RIMS4: variants seen among roughly 807,000 people sequenced by gnomAD.
The protein encoded by RIMS4 is regulating synaptic membrane exocytosis protein 4.
A neutral mutation model predicts 29.0 loss-of-function variants in RIMS4; 9 were observed. That is an observed-to-expected ratio of 0.31 (90% confidence interval 0.19 to 0.54). RIMS4 has a LOEUF of 0.54. Ranked by LOEUF, RIMS4 falls within the 20% of genes least tolerant of loss-of-function variation. RIMS4 has a pLI of 0.94. For synonymous variants in RIMS4, 130 were observed against 152.9 expected, an observed-to-expected ratio of 0.85 and a Z score of 1.10; for missense variants, 193 against 365.7, an observed-to-expected ratio of 0.53 and a Z score of 3.85.
rs2066056270 is a variant in RIMS4 at position 44,755,643 on chromosome 20, G to A, written c.*491C>T. ...AGTGGGGGGCTCTGGGCCCCTGGGAGCTGGCTCCGGATCCTTGCAAAGCTG... is the reference window on the plus strand; with the variant it reads ...AGTGGGGGGCTCTGGGCCCCTGGGAACTGGCTCCGGATCCTTGCAAAGCTG... On this transcript the variant is annotated 3_prime_UTR_variant, in exon 6 of 6. Transcript: ENST00000372851. 1 of 153,736 alleles carries A rather than the reference G, an allele frequency of 6.5e-6. No individual in the cohort carries two copies. The highest frequency in any genetic ancestry group is 1.5e-5 in the Non-Finnish European group (1 of 68,768). The allele number at this position is 153,736 out of a possible 1,614,324, so 9.5% of individuals were successfully genotyped here. A position where few individuals can be genotyped will look rare whatever the true frequency, so the allele number is the denominator to read the frequency against.
chr20:44,810,071 CAG>C, intron 1 of RIMS4, 102 bp downstream of exon 1: 1 of 479,022 alleles, frequency 2.1e-6, no homozygotes, highest in Non-Finnish European at 3.6e-6. Flanking sequence ...GGCGCCTTCC[CAG>C]GGGATTGGGG....
intron 1 of RIMS4, among the ~76,000 whole-genome samples, chr20:44,780,529 GAC>G (rs2066179575): frequency 6.6e-6 from 1 of 152,178 alleles, no homozygotes; most frequent in Non-Finnish European, 1.5e-5. Flanking sequence ...CCCACATAAA[GAC>G]AGGAATTTCC....
chr20:44,762,572 T>C (rs2066090557), intron 2 of RIMS4, among the ~76,000 whole-genome samples: 1 of 152,174 alleles, frequency 6.6e-6, no homozygotes, highest in South Asian at 2.1e-4. Context: ...CCTGGTGGGA[T>C]TGTGAGCAGA....
At chr20:44,771,619 G>A (rs981880121) in intron 1 of RIMS4, among the ~76,000 whole-genome samples, 1 of 152,184 alleles carries the variant, frequency 6.6e-6, no homozygotes, top group African/African-American at 2.4e-5. Flanking sequence ...TCTGTTAAAC[G>A]ATAGATTCAT....
chr20:44,789,539 G>A lies in RIMS4; in HGVS notation c.98-18126C>T, dbSNP rs754571701. ...TCTCAATCTCCTGGCCTCGTGATCC[G>A]CCCGTCATCACAATATGAGAATTTC... On this transcript the variant is annotated intron_variant, in intron 1 of 5. Coordinates refer to ENST00000372851, the MANE Select transcript of RIMS4 (RefSeq NM_182970.4). Among the ~76,000 whole-genome samples the A allele has an allele frequency of 1.7e-4, 26 of 152,074 alleles. No individual in the cohort carries two copies. In the South Asian group the frequency reaches 3.1e-3, roughly 18 times the overall value.
chr20:44,777,847 G>C (rs1288834663), intron 1 of RIMS4, among the ~76,000 whole-genome samples: 1 of 152,182 alleles, frequency 6.6e-6, no homozygotes, highest in East Asian at 1.9e-4. Flanking sequence ...CAAGTCCATA[G>C]AGAAGCCTGT....
chr20:44,776,728 A>C (rs2066161875), intron 1 of RIMS4, among the ~76,000 whole-genome samples: 1 of 152,210 alleles, frequency 6.6e-6, no homozygotes, highest in Non-Finnish European at 1.5e-5. Flanking sequence ...GTCAGCCCTC[A>C]ACAAAGTTGA....
intron 2 of RIMS4, among the ~76,000 whole-genome samples, chr20:44,760,981 C>A (rs1017658045): frequency 6.6e-6 from 1 of 152,096 alleles, no homozygotes; most frequent in South Asian, 2.1e-4. Context: ...ACTTGTGCTT[C>A]TTATTAAATA....
At chr20:44,808,024 T>C (rs2066306480) in intron 1 of RIMS4, among the ~76,000 whole-genome samples, 1 of 151,966 alleles carries the variant, frequency 6.6e-6, no homozygotes, top group Admixed American at 6.6e-5. Flanking sequence ...TAAACCTGAT[T>C]TTAGTCTCAG....
chr20:44,771,229 C>T (rs775027772), intron 2 of RIMS4, 46 bp downstream of exon 2: 1 of 1,580,248 alleles, frequency 6.3e-7, no homozygotes, highest in South Asian at 1.1e-5. Flanking sequence ...CGTGCCCCAC[C>T]ACAAAAGACT....
At chr20:44,786,613 C>G (rs755467040) in intron 1 of RIMS4, among the ~76,000 whole-genome samples, 7 of 152,214 alleles carry the variant, frequency 4.6e-5, no homozygotes, top group Non-Finnish European at 1.0e-4. Context: ...CAGCATAATT[C>G]TGTAGTTACA....
At position 44,756,119 on chromosome 20, in the gene RIMS4, CT is replaced by C. The variant is rs1270745668; in HGVS notation, c.*14del. 2 of 1,575,764 alleles carry C rather than the reference CT, an allele frequency of 1.3e-6. No individual in the cohort carries two copies. The highest frequency in any genetic ancestry group is 2.7e-5 in the African/African-American group (2 of 74,348). On this transcript the variant is annotated 3_prime_UTR_variant, in exon 6 of 6. Transcript: ENST00000372851. The surrounding 1 kb of genome is among the most constrained non-coding windows in gnomAD (Gnocchi z 5.9). Reference sequence around the variant, plus strand: ...GTCTCCAGGCCATCTTGGGGAGCCCCTCCCCATTCCAGCACTAAGATCGTTC... The same window carrying C: ...GTCTCCAGGCCATCTTGGGGAGCCCCCCCCATTCCAGCACTAAGATCGTTC...
At chr20:44,773,434 TAC>T (rs147204337) in intron 1 of RIMS4, among the ~76,000 whole-genome samples, 1 of 150,858 alleles carries the variant, frequency 6.6e-6, no homozygotes, top group Non-Finnish European at 1.5e-5. Context: ...GATGTCCCTG[TAC>T]ACACACACAC....
chr20:44,809,162 T>C, intron 1 of RIMS4, among the ~76,000 whole-genome samples: 1 of 152,138 alleles, frequency 6.6e-6, no homozygotes, highest in African/African-American at 2.4e-5. Context: ...AGAGGTGGCA[T>C]GACTTGCCCA....
intron 1 of RIMS4, among the ~76,000 whole-genome samples, chr20:44,807,898 G>A (rs773266899): frequency 1.3e-5 from 2 of 151,810 alleles, no homozygotes. Flanking sequence ...ACTCTTGGTC[G>A]CCAGCCGCAC....
intron 1 of RIMS4, among the ~76,000 whole-genome samples, chr20:44,793,167 T>C (rs1394851229): frequency 6.6e-6 from 1 of 152,158 alleles, no homozygotes; most frequent in Non-Finnish European, 1.5e-5. Flanking sequence ...CACCCTGGGC[T>C]GTGCTCACTC....
chr20:44,787,307 C>T (rs749414742), intron 1 of RIMS4, among the ~76,000 whole-genome samples: 2 of 151,812 alleles, frequency 1.3e-5, no homozygotes, highest in South Asian at 2.1e-4. Flanking sequence ...GAGATGGTGG[C>T]GATGATGATA....
Position 44,804,847 on chromosome 20 carries a change from G to T in RIMS4, c.97+5328C>A, listed in dbSNP as rs187837522. Among the ~76,000 whole-genome samples, 206 of 152,308 alleles carry T rather than the reference G, an allele frequency of 1.4e-3. 1 individual carries two copies. In the South Asian group the frequency reaches 0.018, roughly 13 times the overall value. ...GGAGCCAGGAGTCTAGGGGATTGGG[G>T]ATGGGGAAGGGGGTGCCTAAGGGAG... is the stretch of plus-strand genomic sequence containing the variant. On this transcript the variant is annotated intron_variant, in intron 1 of 5. Coordinates refer to ENST00000372851, the MANE Select transcript of RIMS4 (RefSeq NM_182970.4).
intron 1 of RIMS4, among the ~76,000 whole-genome samples, chr20:44,789,924 C>G (rs1443981884): frequency 6.6e-6 from 1 of 152,214 alleles, no homozygotes; most frequent in African/African-American, 2.4e-5. Context: ...AGCTGCCTGT[C>G]AACAGAATGG....
Sources: gnomAD v4.1 joint callset for allele counts (sites outside exome capture counted in the v4.1 genomes callset) on GRCh38, gnomAD v4.1.1 for gene constraint, Gnocchi (gnomAD v3.1) non-coding constraint, MANE v1.5 for transcripts, NCBI Gene and HGNC (gene_info 2026-07-23, HGNC 2026-07-21) for gene names.